Variants in ARSI observed in about 807,000 individuals in gnomAD.
The protein encoded by ARSI is arylsulfatase I.
In ARSI, 37 loss-of-function variants were observed where a neutral mutation model predicts 42.1. The observed-to-expected ratio is 0.88, with a 90% CI of 0.68 to 1.16. ARSI has a LOEUF of 1.16. Among genes scored for constraint, ARSI ranks in the 50% most tolerant of loss-of-function variants. The pLI is 0.00. For missense variants in ARSI, 725 were observed against 790.1 expected, an observed-to-expected ratio of 0.92 and a Z score of 0.99; for synonymous variants, 305 against 320.3, an observed-to-expected ratio of 0.95 and a Z score of 0.51.
chr5:150,297,102 C>A lies in ARSI; in HGVS notation c.*112G>T. ...TACCCTGTTCAACCAAGGGACTCTACACCCTCCAACTCCCTGTAGATGGAG... is the reference window on the plus strand; with the variant it reads ...TACCCTGTTCAACCAAGGGACTCTAAACCCTCCAACTCCCTGTAGATGGAG... On this transcript the variant is annotated 3_prime_UTR_variant, in exon 2 of 2. Coordinates refer to ENST00000328668, the MANE Select transcript of ARSI (RefSeq NM_001012301.4). The surrounding 1 kb of genome is among the most constrained non-coding windows in gnomAD (Gnocchi z 7.0). The A allele has an allele frequency of 1.6e-6, 2 of 1,235,138 alleles. No individual in the cohort carries two copies. Among genetic ancestry groups the A allele is most frequent in the Non-Finnish European group, 2.3e-6 (2 of 885,374 alleles). 76.5% of individuals were successfully genotyped at this position (1,235,138 alleles called of 1,614,324 possible).
rs764879389 is a variant in ARSI at position 150,298,154 on chromosome 5, T to G, written c.770A>C (p.Asn257Thr). Residue 257 changes from asparagine (N) to threonine (T), a missense_variant, in exon 2 of 2, where the codon AAT becomes ACT. Asn to Thr is a moderately conservative substitution (Grantham distance 65). Transcript: ENST00000328668. The part of the protein sequence containing the change: ...EYLYRYRTMG[N>T]VARRKYAAMV... The stretch of plus-strand genomic sequence containing the variant: ...GGCCGCGTACTTCCGCCGGGCCACA[T>G]TGCCCATGGTGCGGTAGCGGTACAG... 2 of 1,614,012 alleles carry G rather than the reference T, an allele frequency of 1.2e-6. No homozygotes were observed. Among genetic ancestry groups the G allele is most frequent in the Non-Finnish European group, 1.7e-6 (2 of 1,180,030 alleles).
In ARSI at chr5:150,297,226, G is replaced by T. The variant is rs745387772; in HGVS notation, c.1698C>A (p.Ser566=). 7 of 1,572,184 alleles carry T rather than the reference G, an allele frequency of 4.5e-6. No individual in the cohort carries two copies. In the Admixed American group the frequency reaches 1.1e-4, roughly 25 times the overall value. Residue 566 remains serine (S), a synonymous_variant, in exon 2 of 2, where the codon TCC becomes TCA. Coordinates refer to ENST00000328668, the MANE Select transcript of ARSI (RefSeq NM_001012301.4). This position sits in a 1 kb window ranked among gnomAD's most constrained non-coding sequence, Gnocchi z 7.0. ...FFRKLNTRLM[S]QRI ...TCCCTCCCCACCATCAGATCCGTTG[G>T]GACATTAGCCTGGTGTTGAGTTTAC...
chr5:150,297,647 A>G lies in ARSI; in HGVS notation c.1277T>C (p.Leu426Pro), dbSNP rs762279575. ...GCCATAGCCGGGGTCTCCTGTCAGCAGCTTCCACTCACCCACGCGGATGGC... is the reference window on the plus strand; with the variant it reads ...GCCATAGCCGGGGTCTCCTGTCAGCGGCTTCCACTCACCCACGCGGATGGC... Reference protein sequence around the residue: ...QAAIRVGEWKLLTGDPGYGDW... With the variant: ...QAAIRVGEWKPLTGDPGYGDW... The change falls in exon 2 of 2, where the codon CTG becomes CCG. Residue 426 changes from leucine (L) to proline (P), a missense_variant. By Grantham distance (98) the Leu-to-Pro change is moderately conservative. Coordinates refer to ENST00000328668, the MANE Select transcript of ARSI (RefSeq NM_001012301.4). This position sits in a 1 kb window ranked among gnomAD's most constrained non-coding sequence, Gnocchi z 7.0. The G allele has an allele frequency of 1.9e-6, 3 of 1,613,082 alleles. No individual in the cohort carries two copies. The highest frequency in any genetic ancestry group is 1.1e-5 in the South Asian group (1 of 90,996).
rs112533194 is a variant in ARSI at position 150,298,357 on chromosome 5, G to A, written c.567C>T (p.Cys189=). 3.7e-5 allele frequency: 60 copies of A among 1,613,992 alleles called. 2 individuals carry two copies. The Admixed American group carries it at 4.5e-4, about 12-fold the overall frequency. Residue 189 remains cysteine (C), a synonymous_variant, in exon 2 of 2, where the codon TGC becomes TGT. Coordinates refer to ENST00000328668, the MANE Select transcript of ARSI (RefSeq NM_001012301.4). ...TCTCACCCTCGTGCAGGTCGAAGCC[G>A]CACACGCCTGGGCCATCACAGTTGT... The part of the protein sequence containing the change: ...TYDNCDGPGV[C]GFDLHEGENV...
intron 1 of ARSI, among the ~76,000 whole-genome samples, chr5:150,301,028 C>T (rs1404641752): frequency 5.3e-5 from 8 of 152,106 alleles, no homozygotes; most frequent in South Asian, 2.1e-4. Flanking sequence ...TGCCCAGCTC[C>T]GGGACCCCCG....
chr5:150,297,452 C>A lies in ARSI; in HGVS notation c.1472G>T (p.Arg491Leu), dbSNP rs1757826432. Residue 491 changes from arginine (R) to leucine (L), a missense_variant, in exon 2 of 2, where the codon CGC becomes CTC. By Grantham distance (102) the Arg-to-Leu change is moderately radical. Coordinates refer to ENST00000328668, the MANE Select transcript of ARSI (RefSeq NM_001012301.4). The surrounding 1 kb of genome is among the most constrained non-coding windows in gnomAD (Gnocchi z 7.0). ...RPDVVRTLLA[R>L]LAEYNRTAIP... is the part of the protein sequence containing the mutation. ...GGCTGTGCGGTTATATTCGGCCAGG[C>A]GAGCCAGCAGGGTGCGGACCACATC... 6.2e-7 allele frequency: 1 copy of A among 1,610,514 alleles called. No individual in the cohort carries two copies. Among genetic ancestry groups the A allele is most frequent in the Non-Finnish European group, 8.5e-7 (1 of 1,178,042 alleles).
At chr5:150,300,368 T>C (rs552896668) in intron 1 of ARSI, among the ~76,000 whole-genome samples, 1 of 152,330 alleles carries the variant, frequency 6.6e-6, no homozygotes, top group East Asian at 1.9e-4. Context: ...GCTTTGAACC[T>C]GGGTCCACTC....
chr5:150,301,779 G>C (rs895462084), intron 1 of ARSI, among the ~76,000 whole-genome samples: 2 of 152,210 alleles, frequency 1.3e-5, no homozygotes, highest in African/African-American at 4.8e-5. Flanking sequence ...AATGTCAGAG[G>C]CTGCCATGTT....
chr5:150,298,627 G>T lies in ARSI; in HGVS notation c.312-15C>A. On this transcript the variant is annotated splice_polypyrimidine_tract_variant and intron_variant, in intron 1 of 1. Coordinates refer to ENST00000328668, the MANE Select transcript of ARSI (RefSeq NM_001012301.4). ...GGATCTGGTACCTGGTGGGGAGGAG[G>T]GGAAGGCACAGAAGGCACAGGTAAG... is the stretch of plus-strand genomic sequence containing the variant. 6.3e-7 allele frequency: 1 copy of T among 1,588,840 alleles called. No homozygotes were observed. Among genetic ancestry groups the T allele is most frequent in the Non-Finnish European group, 8.6e-7 (1 of 1,166,088 alleles).
At chr5:150,300,194 T>C (rs139793300) in intron 1 of ARSI, among the ~76,000 whole-genome samples, 1,557 of 152,092 alleles carry the variant, frequency 0.01, 32 homozygotes, top group African/African-American at 0.035. Context: ...ACTACTGCCA[T>C]TTTTAACACT....
chr5:150,299,493 A>G (rs1757883878), intron 1 of ARSI, among the ~76,000 whole-genome samples: 1 of 152,174 alleles, frequency 6.6e-6, no homozygotes. Context: ...TTATGAAATG[A>G]ATGAATGAAT....
At position 150,296,472 on chromosome 5, in the gene ARSI, AG is replaced by A. The variant is rs1757800086; in HGVS notation, c.*741del. ...TGCAGGTGGGGAAATCAAGGCCTAG[AG>A]GGCAAGAACTGTGCCCCAGGTCACA... On this transcript the variant is annotated 3_prime_UTR_variant, in exon 2 of 2. Transcript: ENST00000328668. The A allele has an allele frequency of 6.6e-6, 1 of 152,304 alleles. No homozygotes were observed. Among genetic ancestry groups the A allele is most frequent in the African/African-American group, 2.4e-5 (1 of 41,470 alleles). 9.4% of individuals were successfully genotyped at this position (152,304 alleles called of 1,614,324 possible).
intron 1 of ARSI, among the ~76,000 whole-genome samples, chr5:150,300,911 C>T (rs1053942726): frequency 1.3e-5 from 2 of 152,214 alleles, no homozygotes; most frequent in Non-Finnish European, 2.9e-5. Flanking sequence ...GCACCACCAC[C>T]CCAACCCATA....
At position 150,297,574 on chromosome 5, in the gene ARSI, C is replaced by G. The variant is rs1757831352; in HGVS notation, c.1350G>C (p.Trp450Cys). 1 of 1,610,910 alleles carries G rather than the reference C, an allele frequency of 6.2e-7. No homozygotes were observed. Residue 450 changes from tryptophan to cysteine, a missense_variant, in exon 2 of 2, where the codon TGG becomes TGC. Physicochemically the swap from Trp to Cys is radical, Grantham distance 215 (BLOSUM62 -2). Coordinates refer to ENST00000328668, the MANE Select transcript of ARSI (RefSeq NM_001012301.4). The surrounding 1 kb of genome is among the most constrained non-coding windows in gnomAD (Gnocchi z 7.0). ...QTLATFPGSW[W>C]NLERMASVRQ... ...GGACACTGGCCATTCGTTCCAGGTT[C>G]CACCAGCTACCCGGGAAGGTGGCCA... is the stretch of plus-strand genomic sequence containing the variant.
chr5:150,298,744 C>T, intron 1 of ARSI, 132 bp from the exon 2 acceptor site: 2 of 737,792 alleles, frequency 2.7e-6, no homozygotes, highest in East Asian at 2.7e-5. Flanking sequence ...TAACAGTAAC[C>T]ACCAGGTACT....
chr5:150,297,871 G>A lies in ARSI; in HGVS notation c.1053C>T (p.Tyr351=), dbSNP rs145917608. ...SRALMHITDW[Y]PTLVGLAGGT... Reference sequence around the variant, plus strand: ...CACCTGCCAGACCCACCAGGGTCGGGTACCAGTCAGTGATGTGCATCAGTG... The same window carrying A: ...CACCTGCCAGACCCACCAGGGTCGGATACCAGTCAGTGATGTGCATCAGTG... Residue 351 remains tyrosine (Y), a synonymous_variant, in exon 2 of 2, where the codon TAC becomes TAT. Transcript: ENST00000328668. The surrounding 1 kb of genome is among the most constrained non-coding windows in gnomAD (Gnocchi z 7.0). The A allele has an allele frequency of 2.6e-4, 426 of 1,611,952 alleles. No homozygotes were observed. Among genetic ancestry groups the A allele is most frequent in the Non-Finnish European group, 3.3e-4 (395 of 1,179,354 alleles).
In ARSI at chr5:150,301,871, A is replaced by C. The variant is rs78783171; in HGVS notation, c.311+192T>G. On this transcript the variant is annotated intron_variant, in intron 1 of 1. Transcript: ENST00000328668. ...GAACATCAAAGCAAGAAGACCTCAAAGATGATGAAGCCCATTCAGTGTAAA... is the reference window on the plus strand; with the variant it reads ...GAACATCAAAGCAAGAAGACCTCAACGATGATGAAGCCCATTCAGTGTAAA... Among the ~76,000 whole-genome samples, 7 of 152,334 alleles carry C rather than the reference A, an allele frequency of 4.6e-5. No individual in the cohort carries two copies. In the East Asian group the frequency reaches 1.2e-3, roughly 25 times the overall value.
In ARSI at chr5:150,297,597, C is replaced by T; in HGVS notation, c.1327G>A (p.Ala443Thr). 1 of 1,609,988 alleles carries T rather than the reference C, an allele frequency of 6.2e-7. No individual in the cohort carries two copies. Among genetic ancestry groups the T allele is most frequent in the Non-Finnish European group, 8.5e-7 (1 of 1,178,432 alleles). The change falls in exon 2 of 2, where the codon GCC becomes ACC. Residue 443 changes from alanine to threonine, a missense_variant. Transcript: ENST00000328668. The surrounding 1 kb of genome is among the most constrained non-coding windows in gnomAD (Gnocchi z 7.0). The part of the protein sequence containing the change: ...YGDWIPPQTL[A>T]TFPGSWWNLE... The stretch of plus-strand genomic sequence containing the variant: ...TTCCACCAGCTACCCGGGAAGGTGG[C>T]CAGTGTCTGCGGTGGGATCCAATCG...
At position 150,302,597 on chromosome 5, in the gene ARSI, C is replaced by G. The variant is rs954020554; in HGVS notation, c.-224G>C. The G allele has an allele frequency of 5.3e-4, 201 of 379,666 alleles. No homozygotes were observed. Among genetic ancestry groups the G allele is most frequent in the Non-Finnish European group, 1.5e-4 (32 of 216,132 alleles). The allele number at this position is 379,666 out of a possible 1,614,324, so 23.5% of individuals were successfully genotyped here. Reference sequence around the variant, plus strand: ...GGAGGTCAGGCCCGCGCCGAGCTGCCTCCCGCTGCCTAAGCGCAGGCCCTG... The same window carrying G: ...GGAGGTCAGGCCCGCGCCGAGCTGCGTCCCGCTGCCTAAGCGCAGGCCCTG... On this transcript the variant is annotated 5_prime_UTR_variant, in exon 1 of 2. Coordinates refer to ENST00000328668, the MANE Select transcript of ARSI (RefSeq NM_001012301.4). The surrounding 1 kb of genome is among the most constrained non-coding windows in gnomAD (Gnocchi z 6.1).
Sources: gnomAD v4.1 joint callset for allele counts (sites outside exome capture counted in the v4.1 genomes callset) on GRCh38, gnomAD v4.1.1 for gene constraint, Gnocchi (gnomAD v3.1) non-coding constraint, MANE v1.5 for transcripts, NCBI Gene and HGNC (gene_info 2026-07-23, HGNC 2026-07-21) for gene names.